Variants in CLEC16A observed in about 807,000 individuals in gnomAD.
CLEC16A encodes C-type lectin domain containing 16A.
Under a neutral mutation model 109.5 loss-of-function variants are expected in CLEC16A, and 51 were observed. That is an observed-to-expected ratio of 0.47 (90% CI 0.37 to 0.59). CLEC16A has a LOEUF of 0.59. Among genes scored for constraint, CLEC16A ranks in the 20% least tolerant of loss-of-function variants. The pLI is 0.00. For synonymous variants in CLEC16A, 673 were observed against 564.2 expected (o/e 1.19, Z -2.73); for missense variants, 1,339 against 1,394.0 (o/e 0.96, Z 0.63).
intron 19 of CLEC16A, among the ~76,000 whole-genome samples, chr16:11,092,357 A>ACACACACACACAC (rs1555485466): frequency 1.5e-5 from 1 of 66,616 alleles, no homozygotes; most frequent in Admixed American, 1.8e-4. Context: ...AACAAACAAA[A>ACACACACACACAC]ACAAACACAC....
intron 1 of CLEC16A, among the ~76,000 whole-genome samples, chr16:10,948,844 G>T (rs902360561): frequency 6.6e-6 from 1 of 152,164 alleles, no homozygotes. Flanking sequence ...CAGGCAGGCT[G>T]CAGGCTTACA....
At chr16:10,970,885 A>G (rs930203618) in intron 4 of CLEC16A, among the ~76,000 whole-genome samples, 2 of 152,176 alleles carry the variant, frequency 1.3e-5, no homozygotes, top group African/African-American at 4.8e-5. Flanking sequence ...AGTAGCTGGT[A>G]CTATGGGTGT....
chr16:11,159,452 T>C (rs1286609784), intron 22 of CLEC16A, among the ~76,000 whole-genome samples: 1 of 152,140 alleles, frequency 6.6e-6, no homozygotes, highest in Non-Finnish European at 1.5e-5. Flanking sequence ...CACAGAAGTG[T>C]CTAGAAAGGG....
chr16:11,175,270 C>G (rs1245785023), intron 23 of CLEC16A, among the ~76,000 whole-genome samples: 1 of 152,118 alleles, frequency 6.6e-6, no homozygotes, highest in South Asian at 2.1e-4. Flanking sequence ...TGGCCACAGC[C>G]ACGGGATGTC....
At chr16:11,160,401 G>A (rs975008110) in intron 22 of CLEC16A, among the ~76,000 whole-genome samples, 3 of 152,022 alleles carry the variant, frequency 2.0e-5, no homozygotes, top group Admixed American at 6.6e-5. Flanking sequence ...ACAAAAACTC[G>A]GTCCCATCTC....
At chr16:11,109,320 A>G (rs944929633) in intron 19 of CLEC16A, among the ~76,000 whole-genome samples, 12 of 151,880 alleles carry the variant, frequency 7.9e-5, no homozygotes, top group Non-Finnish European at 1.3e-4. Flanking sequence ...CACCCAGCTA[A>G]TTTTTTTATT....
At chr16:11,014,676 C>A (rs1015758098) in intron 11 of CLEC16A, among the ~76,000 whole-genome samples, 4 of 152,224 alleles carry the variant, frequency 2.6e-5, no homozygotes, top group African/African-American at 9.6e-5. Context: ...GTCAGAGCCC[C>A]CTGGAAATCC....
At chr16:10,978,732 G>C (rs913352673) in intron 8 of CLEC16A, among the ~76,000 whole-genome samples, 1 of 152,244 alleles carries the variant, frequency 6.6e-6, no homozygotes, top group Non-Finnish European at 1.5e-5. Flanking sequence ...CTGGGAGGCA[G>C]AGACAAAGTA....
At chr16:11,144,040 C>T (rs2053951837) in intron 22 of CLEC16A, among the ~76,000 whole-genome samples, 2 of 152,308 alleles carry the variant, frequency 1.3e-5, no homozygotes, top group Admixed American at 1.3e-4. Context: ...AATTCTAAGT[C>T]ATTGACCTTA....
Position 11,002,984 on chromosome 16 carries a change from T to A in CLEC16A, c.1072-90T>A, listed in dbSNP as rs1596994508. 3.9e-6 allele frequency: 4 copies of A among 1,013,816 alleles called. 1 individual carries two copies. In the Middle Eastern group the frequency reaches 6.8e-4, roughly 172 times the overall value. 62.8% of individuals were successfully genotyped at this position (1,013,816 alleles called of 1,614,324 possible). On this transcript the variant is annotated intron_variant, in intron 10 of 23. Coordinates refer to ENST00000409790, the MANE Select transcript of CLEC16A (RefSeq NM_015226.3). The stretch of plus-strand genomic sequence containing the variant: ...TAATGGTTTCTTTTGGAGATGAGTT[T>A]CTTAGGACAGAAACTTTTGGGCAAC...
At chr16:11,082,807 C>G (rs1158751807) in intron 19 of CLEC16A, among the ~76,000 whole-genome samples, 1 of 152,218 alleles carries the variant, frequency 6.6e-6, no homozygotes, top group Non-Finnish European at 1.5e-5. Flanking sequence ...TTTGGCAAAT[C>G]TGTACCCTAG....
chr16:10,965,172 C>T (rs913234211), intron 3 of CLEC16A, among the ~76,000 whole-genome samples: 1 of 152,192 alleles, frequency 6.6e-6, no homozygotes, highest in East Asian at 1.9e-4. Context: ...GAAAAGGGTG[C>T]CCTGCTGTGG....
chr16:11,039,388 G>A (rs1165859259), intron 13 of CLEC16A, among the ~76,000 whole-genome samples: 4 of 152,192 alleles, frequency 2.6e-5, no homozygotes, highest in South Asian at 4.1e-4. Flanking sequence ...AATAGAAAAT[G>A]TATGTTTTAA....
chr16:10,962,710 T>C (rs971675256), intron 3 of CLEC16A, 122 bp downstream of exon 3: 1 of 1,034,984 alleles, frequency 9.7e-7, no homozygotes, highest in South Asian at 1.5e-5. Flanking sequence ...CAAAATACCA[T>C]AGACTGAGTG....
chr16:11,012,544 G>A (rs1222313372), intron 11 of CLEC16A, among the ~76,000 whole-genome samples: 4 of 135,894 alleles, frequency 2.9e-5, no homozygotes, highest in Non-Finnish European at 6.1e-5. Context: ...GTGGTGAGCC[G>A]AGATCACGCC....
intron 19 of CLEC16A, among the ~76,000 whole-genome samples, chr16:11,065,401 G>A (rs570185218): frequency 6.6e-6 from 1 of 152,306 alleles, no homozygotes; most frequent in South Asian, 2.1e-4. Context: ...TATCTAACTT[G>A]TATTCTGATT....
chr16:11,180,025 C>G lies in CLEC16A; in HGVS notation c.*1335C>G, dbSNP rs1230021746. The G allele has an allele frequency of 6.6e-6, 1 of 152,584 alleles. No homozygotes were observed. Among genetic ancestry groups the G allele is most frequent in the Non-Finnish European group, 1.5e-5 (1 of 68,294 alleles). The allele number at this position is 152,584 out of a possible 1,614,324, so 9.5% of individuals were successfully genotyped here. ...CACCAGGGCCAGCGGCCCCTCACCT[C>G]TCTGGTCACTGGTGAGACCTTCCAC... On this transcript the variant is annotated 3_prime_UTR_variant, in exon 24 of 24. Coordinates refer to ENST00000409790, the MANE Select transcript of CLEC16A (RefSeq NM_015226.3).
At chr16:11,064,281 G>C (rs568107605) in intron 19 of CLEC16A, among the ~76,000 whole-genome samples, 34 of 152,312 alleles carry the variant, frequency 2.2e-4, no homozygotes, top group African/African-American at 7.9e-4. Context: ...TTTGCAAACC[G>C]AGTGCCTCCC....
At chr16:10,950,867 C>T (rs754633834) in intron 1 of CLEC16A, among the ~76,000 whole-genome samples, 4 of 152,208 alleles carry the variant, frequency 2.6e-5, no homozygotes, top group Non-Finnish European at 5.9e-5. Context: ...TCTGCTTATC[C>T]TTTCTCATGC....
Sources: allele counts gnomAD v4.1 joint callset (sites outside exome capture counted in the v4.1 genomes callset), GRCh38; gene constraint gnomAD v4.1.1; transcripts MANE v1.5; gene names NCBI Gene and HGNC (gene_info 2026-07-23, HGNC 2026-07-21).